The following PTPRR variants were observed in gnomAD, a reference collection of about 807,000 sequenced individuals.
PTPRR encodes receptor-type tyrosine-protein phosphatase R.
A neutral mutation model predicts 77.2 loss-of-function variants in PTPRR; 38 were observed. The ratio of observed to expected loss-of-function variants is 0.49; its 90% confidence interval spans 0.38 to 0.65. The LOEUF is 0.65. Among genes scored for constraint, PTPRR ranks in the 30% least tolerant of loss-of-function variants. The pLI is 0.00. For synonymous variants in PTPRR, 299 were observed against 283.1 expected (o/e 1.06, Z -0.57); for missense variants, 744 against 799.2 (o/e 0.93, Z 0.83).
At chr12:70,759,815 G>A (rs376995974) in intron 4 of PTPRR, among the ~76,000 whole-genome samples, 4 of 151,798 alleles carry the variant, frequency 2.6e-5, no homozygotes, top group African/African-American at 9.7e-5. Context: ...TGTAAACTAG[G>A]AAAGTGTTGT....
At chr12:70,865,003 C>T (rs763299953) in intron 2 of PTPRR, among the ~76,000 whole-genome samples, 3 of 151,964 alleles carry the variant, frequency 2.0e-5, no homozygotes, top group South Asian at 2.1e-4. Flanking sequence ...TTAGTACAGA[C>T]GGGGTTTTAC....
At chr12:70,744,372 A>T (rs540658829) in intron 6 of PTPRR, among the ~76,000 whole-genome samples, 2 of 152,328 alleles carry the variant, frequency 1.3e-5, no homozygotes, top group African/African-American at 4.8e-5. Flanking sequence ...AGTGAATGTC[A>T]CATGGAGACC....
chr12:70,776,518 C>G (rs1328712810), intron 2 of PTPRR, among the ~76,000 whole-genome samples: 1 of 152,116 alleles, frequency 6.6e-6, no homozygotes, highest in African/African-American at 2.4e-5. Context: ...ATGATCTTAA[C>G]TCCTCCATTC....
intron 6 of PTPRR, among the ~76,000 whole-genome samples, chr12:70,718,197 G>C (rs529965987): frequency 1.3e-5 from 2 of 151,926 alleles, no homozygotes; most frequent in East Asian, 1.9e-4. Context: ...AGACAACAAA[G>C]TATTGTATAG....
intron 2 of PTPRR, among the ~76,000 whole-genome samples, chr12:70,864,894 C>A (rs1370782466): frequency 2.0e-5 from 3 of 152,134 alleles, no homozygotes; most frequent in African/African-American, 7.2e-5. Flanking sequence ...TCACTGCAAC[C>A]TCCACTTCCC....
At chr12:70,691,117 C>T (rs1368962847) in intron 8 of PTPRR, among the ~76,000 whole-genome samples, 2 of 152,090 alleles carry the variant, frequency 1.3e-5, no homozygotes, top group Admixed American at 6.5e-5. Flanking sequence ...TTATTATACA[C>T]ACACTTCCTC....
intron 2 of PTPRR, among the ~76,000 whole-genome samples, chr12:70,891,171 C>T (rs1893329791): frequency 6.6e-6 from 1 of 152,088 alleles, no homozygotes; most frequent in South Asian, 2.1e-4. Context: ...AATCTCCAAA[C>T]CACAAATAAG....
At chr12:70,703,428 T>C (rs1888504837) in intron 6 of PTPRR, among the ~76,000 whole-genome samples, 3 of 152,270 alleles carry the variant, frequency 2.0e-5, no homozygotes, top group African/African-American at 7.2e-5. Context: ...CCCACTCCAC[T>C]TTTTCTTATT....
At chr12:70,769,004 A>G (rs575464291) in intron 2 of PTPRR, among the ~76,000 whole-genome samples, 45,100 of 136,660 alleles carry the variant, frequency 0.33, 9,223 homozygotes, top group African/African-American at 0.59. Flanking sequence ...TTGATGGGAC[A>G]TATCTCAAAA....
chr12:70,766,550 A>T lies in PTPRR; in HGVS notation c.358-1772T>A, dbSNP rs571973203. 3.9e-5 allele frequency among the ~76,000 whole-genome samples: 6 copies of T among 152,184 alleles called. No individual in the cohort carries two copies. The South Asian group carries it at 1.2e-3, about 32-fold the overall frequency. On this transcript the variant is annotated intron_variant, in intron 2 of 13. Coordinates refer to ENST00000283228, the MANE Select transcript of PTPRR (RefSeq NM_002849.4). Reference sequence around the variant, plus strand: ...AATCTACGTCTGATTGGTGTACTTGAACGTGACGGGGAGAATGGAACCAAG... The same window carrying T: ...AATCTACGTCTGATTGGTGTACTTGTACGTGACGGGGAGAATGGAACCAAG...
chr12:70,659,039 A>G (rs1231225857), intron 12 of PTPRR, among the ~76,000 whole-genome samples: 3 of 151,802 alleles, frequency 2.0e-5, no homozygotes, highest in South Asian at 2.1e-4. Context: ...AGTAGCTAGG[A>G]GTACAGGCAC....
chr12:70,787,932 A>T (rs1451903919), intron 2 of PTPRR, among the ~76,000 whole-genome samples: 1 of 152,216 alleles, frequency 6.6e-6, no homozygotes, highest in Non-Finnish European at 1.5e-5. Flanking sequence ...TTGTACCAAC[A>T]CTAGAACCAT....
At chr12:70,701,670 T>A (rs1013891172) in intron 6 of PTPRR, among the ~76,000 whole-genome samples, 2 of 152,092 alleles carry the variant, frequency 1.3e-5, no homozygotes, top group Non-Finnish European at 2.9e-5. Context: ...TCTGAGTGAA[T>A]CCCTAAAAAA....
In PTPRR at chr12:70,684,270, T is replaced by C. The variant is rs1329303172; in HGVS notation, c.1360-6A>G. On this transcript the variant is annotated splice_region_variant and splice_polypyrimidine_tract_variant and intron_variant, in intron 9 of 13. Coordinates refer to ENST00000283228, the MANE Select transcript of PTPRR (RefSeq NM_002849.4). The stretch of plus-strand genomic sequence containing the variant: ...TTCTCCTTGCCACTGTAGCCCTAGA[T>C]GGAGTAAAGAAACAAAAATATTGGT... The C allele has an allele frequency of 5.0e-6, 8 of 1,602,312 alleles. No individual in the cohort carries two copies. Among genetic ancestry groups the C allele is most frequent in the Non-Finnish European group, 6.8e-6 (8 of 1,174,874 alleles).
intron 2 of PTPRR, among the ~76,000 whole-genome samples, chr12:70,827,174 GGTTTA>G (rs1892124364): frequency 6.6e-6 from 1 of 152,138 alleles, no homozygotes. Flanking sequence ...CTTATTTACA[GGTTTA>G]GTTGTTTATT....
intron 8 of PTPRR, among the ~76,000 whole-genome samples, chr12:70,688,024 C>A (rs1239243953): frequency 6.6e-6 from 1 of 152,200 alleles, no homozygotes; most frequent in Non-Finnish European, 1.5e-5. Context: ...TCTATCTCTA[C>A]ATTTCCTACA....
In PTPRR at chr12:70,791,749, A is replaced by G. The variant is rs79062326; in HGVS notation, c.358-26971T>C. Among the ~76,000 whole-genome samples the G allele has an allele frequency of 4.5e-3, 687 of 152,346 alleles. 6 individuals carry two copies. Among genetic ancestry groups the G allele is most frequent in the African/African-American group, 0.016 (655 of 41,590 alleles). ...CAACTACATAAATATGTTAAAGTCTATAAGATGTAATGGTTTTTTAAGATA... is the reference window on the plus strand; with the variant it reads ...CAACTACATAAATATGTTAAAGTCTGTAAGATGTAATGGTTTTTTAAGATA... On this transcript the variant is annotated intron_variant, in intron 2 of 13. Coordinates refer to ENST00000283228, the MANE Select transcript of PTPRR (RefSeq NM_002849.4).
chr12:70,671,949 C>T lies in PTPRR; in HGVS notation c.1498-9344G>A. On this transcript the variant is annotated intron_variant, in intron 10 of 13. Transcript: ENST00000283228. ...GTCTCTGGTAGAAGAAGGTTGCTCA[C>T]AGCTCTGCTGCAGGCTCAGAAGTGG... 4 of 1,101,374 alleles carry T rather than the reference C, an allele frequency of 3.6e-6. No individual in the cohort carries two copies. In the South Asian group the frequency reaches 5.4e-5, roughly 15 times the overall value. The allele number at this position is 1,101,374 out of a possible 1,614,324, so 68.2% of individuals were successfully genotyped here.
At chr12:70,801,742 A>AATCTATCTATCTATCTATCT (rs150514515) in intron 2 of PTPRR, among the ~76,000 whole-genome samples, 79 of 151,684 alleles carry the variant, frequency 5.2e-4, no homozygotes, top group East Asian at 3.3e-3. Context: ...CCTTATAATA[A>AATCTATCTATCTATCTATCT]ATCTATCTAT....
Sources: allele counts gnomAD v4.1 joint callset (sites outside exome capture counted in the v4.1 genomes callset), GRCh38; gene constraint gnomAD v4.1.1; transcripts MANE v1.5; gene names NCBI Gene and HGNC (gene_info 2026-07-23, HGNC 2026-07-21).